Variants in TBKBP1 observed in about 807,000 individuals in gnomAD.
TBKBP1 encodes TANK-binding kinase 1-binding protein 1.
TBKBP1 carries 47 observed loss-of-function variants against 69.9 expected under a neutral mutation model. The ratio of observed to expected loss-of-function variants is 0.67; its 90% CI spans 0.53 to 0.86. The LOEUF (loss-of-function observed/expected upper bound fraction) is 0.86. Ranked by LOEUF, TBKBP1 falls within the 40% of genes least tolerant of loss-of-function variation. The pLI, the probability that TBKBP1 is intolerant of heterozygous loss-of-function variation, is 0.00. For missense variants in TBKBP1, 831 were observed against 858.6 expected (o/e 0.97, Z 0.40); for synonymous variants, 418 against 390.3 (o/e 1.07, Z -0.84).
intron 7 of TBKBP1, among the ~76,000 whole-genome samples, chr17:47,703,304 G>C (rs2031583390): frequency 6.6e-6 from 1 of 152,172 alleles, no homozygotes. Context: ...ACTCTGCACG[G>C]AGGTCAAGGG....
At chr17:47,704,539 A>G (rs1257093515) in intron 7 of TBKBP1, among the ~76,000 whole-genome samples, 3 of 152,182 alleles carry the variant, frequency 2.0e-5, no homozygotes, top group African/African-American at 4.8e-5. Context: ...AGCTTTGAGC[A>G]AGGATGGAAG....
At position 47,709,381 on chromosome 17, in the gene TBKBP1, C is replaced by T. The variant is rs1246307729; in HGVS notation, c.1648C>T (p.Pro550Ser). The change falls in exon 9 of 10, where the codon CCC becomes TCC. Residue 550 changes from proline to serine, a missense_variant. By Grantham distance (74) the Pro-to-Ser change is moderately conservative (BLOSUM62 -1). Transcript: ENST00000578982. ...CTGCGCCTCCTTCTGCGCGGGCTTCCCCATCCCCGAGTCGCCCGCCGCCAC... is the reference window on the plus strand; with the variant it reads ...CTGCGCCTCCTTCTGCGCGGGCTTCTCCATCCCCGAGTCGCCCGCCGCCAC... ...IRCASFCAGF[P>S]IPESPAATAY... 3.3e-6 allele frequency: 5 copies of T among 1,531,412 alleles called. No individual in the cohort carries two copies. Among genetic ancestry groups the T allele is most frequent in the Non-Finnish European group, 8.7e-7 (1 of 1,146,292 alleles). The allele number at this position is 1,531,412 out of a possible 1,614,324, so 94.9% of individuals were successfully genotyped here.
Position 47,697,132 on chromosome 17 carries a change from T to A in TBKBP1, c.392T>A (p.Ile131Asn), listed in dbSNP as rs1394957660. Residue 131 changes from isoleucine to asparagine, a missense_variant, in exon 4 of 10, where the codon ATC becomes AAC. Coordinates refer to ENST00000578982, the MANE Select transcript of TBKBP1 (RefSeq NM_001394755.1). ...CAGGAAGAACAGCTTGGAGAGATGATCCAGGCCTACGAGAAACTCTGCGTG... is the reference window on the plus strand; with the variant it reads ...CAGGAAGAACAGCTTGGAGAGATGAACCAGGCCTACGAGAAACTCTGCGTG... The part of the protein sequence containing the change: ...KEQEEQLGEM[I>N]QAYEKLCVEK... 1 of 1,613,092 alleles carries A rather than the reference T, an allele frequency of 6.2e-7. No homozygotes were observed. Among genetic ancestry groups the A allele is most frequent in the South Asian group, 1.1e-5 (1 of 90,824 alleles).
chr17:47,699,191 C>A, intron 5 of TBKBP1, 129 bp from the exon 6 acceptor site: 1 of 1,044,118 alleles, frequency 9.6e-7, no homozygotes, highest in Non-Finnish European at 1.3e-6. Context: ...TTGTCGCAGT[C>A]ATCCCTCCTT....
At chr17:47,703,183 C>CG (rs1396293562) in intron 7 of TBKBP1, among the ~76,000 whole-genome samples, 1 of 151,958 alleles carries the variant, frequency 6.6e-6, no homozygotes, top group Non-Finnish European at 1.5e-5. Context: ...CGCTGCAGCC[C>CG]GGGCCCTTTT....
At position 47,696,096 on chromosome 17, in the gene TBKBP1, G is replaced by A. The variant is rs1410238642; in HGVS notation, c.-17G>A. ...TCTCCTAGGAGGCCCCGTGTGGGCC[G>A]CGGCCCGGCCCTCACCATGGAGTCC... is the stretch of plus-strand genomic sequence containing the variant. On this transcript the variant is annotated 5_prime_UTR_variant, in exon 2 of 10. Coordinates refer to ENST00000578982, the MANE Select transcript of TBKBP1 (RefSeq NM_001394755.1). 5.6e-6 allele frequency: 9 copies of A among 1,593,432 alleles called. No homozygotes were observed. The highest frequency in any genetic ancestry group is 1.3e-5 in the African/African-American group (1 of 74,252).
At chr17:47,697,043 C>T (rs2031276316) in intron 3 of TBKBP1, 46 bp from the exon 4 acceptor site, 1 of 1,571,846 alleles carries the variant, frequency 6.4e-7, no homozygotes, top group South Asian at 1.2e-5. Flanking sequence ...ACTCCAAGTC[C>T]AGTGTGGGAC....
chr17:47,699,487 C>T lies in TBKBP1; in HGVS notation c.802C>T (p.Arg268Trp), dbSNP rs1426297922. Residue 268 changes from arginine to tryptophan, a missense_variant, in exon 6 of 10, where the codon CGG becomes TGG. By Grantham distance (101) the Arg-to-Trp change is moderately radical. Transcript: ENST00000578982. ...GGAGCTGAAGCAGCTGCAGGAGACC[C>T]GGGCCCAGGTAAATGCAGGGGCCTG... is the stretch of plus-strand genomic sequence containing the variant. ...QGELKQLQET[R>W]AQDLASNQSE... The T allele has an allele frequency of 1.3e-5, 21 of 1,581,146 alleles. No individual in the cohort carries two copies. Among genetic ancestry groups the T allele is most frequent in the East Asian group, 4.5e-5 (2 of 44,404 alleles).
At chr17:47,698,909 C>T in intron 5 of TBKBP1, 134 bp downstream of exon 5, 1 of 894,030 alleles carries the variant, frequency 1.1e-6, no homozygotes, top group Non-Finnish European at 1.6e-6. Flanking sequence ...CCTCCCTTAC[C>T]TGCTGTCCCC....
chr17:47,709,371 C>T lies in TBKBP1; in HGVS notation c.1638C>T (p.Cys546=), dbSNP rs1433447986. 2.6e-6 allele frequency: 4 copies of T among 1,529,248 alleles called. No individual in the cohort carries two copies. Among genetic ancestry groups the T allele is most frequent in the Non-Finnish European group, 3.5e-6 (4 of 1,144,888 alleles). 94.7% of individuals were successfully genotyped at this position (1,529,248 alleles called of 1,614,324 possible). Residue 546 remains cysteine (C), a synonymous_variant, in exon 9 of 10, where the codon TGC becomes TGT. Coordinates refer to ENST00000578982, the MANE Select transcript of TBKBP1 (RefSeq NM_001394755.1). ...GCACCATCCGCTGCGCCTCCTTCTG[C>T]GCGGGCTTCCCCATCCCCGAGTCGC... ...EVGTIRCASF[C]AGFPIPESPA... is the part of the protein sequence containing the mutation.
At chr17:47,701,693 A>C (rs1217453561) in intron 7 of TBKBP1, among the ~76,000 whole-genome samples, 1 of 152,212 alleles carries the variant, frequency 6.6e-6, no homozygotes, top group African/African-American at 2.4e-5. Flanking sequence ...GAGAAGGGGC[A>C]GGGCTCCCAG....
Position 47,708,346 on chromosome 17 carries a change from G to A in TBKBP1, c.873-48G>A. The A allele has an allele frequency of 1.9e-6, 3 of 1,596,932 alleles. No individual in the cohort carries two copies. Among genetic ancestry groups the A allele is most frequent in the Non-Finnish European group, 1.7e-6 (2 of 1,165,738 alleles). On this transcript the variant is annotated intron_variant, in intron 7 of 9. Transcript: ENST00000578982. This position sits in a 1 kb window ranked among gnomAD's most constrained non-coding sequence, Gnocchi z 4.4. ...CCAGTTCTTCCTCCACAGCTGGGAC[G>A]GTAGACCCACTGCCCTTCTCGTCTT...
At position 47,698,688 on chromosome 17, in the gene TBKBP1, C is replaced by T; in HGVS notation, c.547C>T (p.Leu183=). The change falls in exon 5 of 10, where the codon CTG becomes TTG. Residue 183 remains leucine (L), a synonymous_variant. Transcript: ENST00000578982. ...QGLQDAAFSN[L]SPPPAPAPPC... is the part of the protein sequence containing the mutation. ...CCTCCAGGATGCAGCCTTCTCCAAC[C>T]TGAGCCCACCGCCAGCCCCCGCCCC... is the stretch of plus-strand genomic sequence containing the variant. The T allele has an allele frequency of 2.5e-6, 4 of 1,605,876 alleles. No homozygotes were observed. The highest frequency in any genetic ancestry group is 3.4e-6 in the Non-Finnish European group (4 of 1,176,376).
At chr17:47,702,548 C>T (rs546296176) in intron 7 of TBKBP1, among the ~76,000 whole-genome samples, 2 of 152,234 alleles carry the variant, frequency 1.3e-5, no homozygotes, top group Non-Finnish European at 2.9e-5. Context: ...ATCCTAGCCC[C>T]AGCCCCAGGG....
chr17:47,696,609 G>A, intron 2 of TBKBP1, 102 bp from the exon 3 acceptor site: 1 of 1,572,542 alleles, frequency 6.4e-7, no homozygotes, highest in East Asian at 2.2e-5. Flanking sequence ...GAGAAGGAGG[G>A]TCAAAGGTCT....
chr17:47,701,061 C>T (rs1384508757), intron 7 of TBKBP1, among the ~76,000 whole-genome samples: 4 of 152,196 alleles, frequency 2.6e-5, no homozygotes, highest in Non-Finnish European at 4.4e-5. Context: ...CCCTCCACCG[C>T]ATAGCATACC....
In TBKBP1 at chr17:47,709,386, C is replaced by T; in HGVS notation, c.1653C>T (p.Ile551=). 1 of 1,532,534 alleles carries T rather than the reference C, an allele frequency of 6.5e-7. No homozygotes were observed. The highest frequency in any genetic ancestry group is 8.7e-7 in the Non-Finnish European group (1 of 1,146,852). 94.9% of individuals were successfully genotyped at this position (1,532,534 alleles called of 1,614,324 possible). A position where few individuals can be genotyped will look rare whatever the true frequency, so the allele number is the denominator to read the frequency against. The change falls in exon 9 of 10, where the codon ATC becomes ATT. Residue 551 remains isoleucine, a synonymous_variant. Coordinates refer to ENST00000578982, the MANE Select transcript of TBKBP1 (RefSeq NM_001394755.1). The stretch of plus-strand genomic sequence containing the variant: ...CCTCCTTCTGCGCGGGCTTCCCCAT[C>T]CCCGAGTCGCCCGCCGCCACCGCCT... ...RCASFCAGFP[I]PESPAATAYA... is the part of the protein sequence containing the mutation.
intron 2 of TBKBP1, 119 bp from the exon 3 acceptor site, chr17:47,696,592 A>T: frequency 1.3e-6 from 2 of 1,503,864 alleles, no homozygotes; most frequent in Non-Finnish European, 1.8e-6. Context: ...GGATCCCACT[A>T]GCCAAGGAGA....
At chr17:47,694,291 CGGCTGGCAGCCGCACGGGAT>C (rs1219247835) in intron 1 of TBKBP1, 97 bp downstream of exon 1, 1 of 151,654 alleles carries the variant, frequency 6.6e-6, no homozygotes, top group Non-Finnish European at 1.5e-5. Context: ...GGCAGGAGGG[CGGCTGGCAGCCGCACGGGAT>C]GGCTGGGAGG....
Sources: gnomAD v4.1 joint callset for allele counts (sites outside exome capture counted in the v4.1 genomes callset) on GRCh38, gnomAD v4.1.1 for gene constraint, Gnocchi (gnomAD v3.1) non-coding constraint, MANE v1.5 for transcripts, NCBI Gene and HGNC (gene_info 2026-07-23, HGNC 2026-07-21) for gene names.